PRMT7: variants seen among roughly 807,000 people sequenced by gnomAD.
PRMT7 encodes the protein protein arginine methyltransferase 7.
In PRMT7, 75 loss-of-function variants were observed where a neutral mutation model predicts 85.4. That is an observed-to-expected ratio of 0.88 (90% CI 0.73 to 1.06). The LOEUF is 1.06. PRMT7 is among the 50% of genes least tolerant of loss of function. The pLI, the probability that PRMT7 is intolerant of heterozygous loss-of-function variation, is 0.00. For missense variants in PRMT7, 868 were observed against 915.2 expected, an observed-to-expected ratio of 0.95 and a Z score of 0.67; for synonymous variants, 397 against 359.5, an observed-to-expected ratio of 1.10 and a Z score of -1.18.
Position 68,356,811 on chromosome 16 carries a change from A to C in PRMT7, c.1908+14A>C. The C allele has an allele frequency of 1.9e-6, 3 of 1,596,140 alleles. No individual in the cohort carries two copies. Among genetic ancestry groups the C allele is most frequent in the Non-Finnish European group, 2.6e-6 (3 of 1,172,246 alleles). On this transcript the variant is annotated intron_variant, in intron 18 of 18. Coordinates refer to ENST00000441236, the MANE Select transcript of PRMT7 (RefSeq NM_019023.5). ...GCAGACCCCGAGGTAGTGCCTGCGC[A>C]CCGGGCCCAGTGTGCGTGCAGACCC...
chr16:68,312,221 A>AT lies in PRMT7; in HGVS notation c.-84+46dup, dbSNP rs1476609721. The AT allele has an allele frequency of 7.2e-4, 30 of 41,700 alleles. No individual in the cohort carries two copies. In the Admixed American group the frequency reaches 9.2e-3, roughly 13 times the overall value. The allele number at this position is 41,700 out of a possible 1,614,324, so 2.6% of individuals were successfully genotyped here. ...TATGTATATTTATATATATATATAT[A>AT]TATATATATTTTTTTTTTTAAGACA... On this transcript the variant is annotated intron_variant, in intron 2 of 18. Transcript: ENST00000441236.
rs1390386790 is a variant in PRMT7, at chr16:68,355,851, CCT to C, written c.1780_1781del (p.Leu594ValfsTer105). 3.7e-6 allele frequency: 6 copies of C among 1,607,448 alleles called. No individual in the cohort carries two copies. The South Asian group carries it at 4.4e-5, about 12-fold the overall frequency. On this transcript the variant is annotated frameshift_variant, in exon 17 of 19. Coordinates refer to ENST00000441236, the MANE Select transcript of PRMT7 (RefSeq NM_019023.5). LOFTEE classifies it high-confidence loss of function. ...DFQQPVPLQP[L>X]CAEGTVELRR... ...TCCAGCAGCCGGTGCCCCTGCAGCC[CCT>C]GTGTGCCGAGGGCACCGTGGAGCTC...
At position 68,318,629 on chromosome 16, in the gene PRMT7, G is replaced by A. The variant is rs2082148779; in HGVS notation, c.95+2555G>A. On this transcript the variant is annotated intron_variant, in intron 3 of 18. Coordinates refer to ENST00000441236, the MANE Select transcript of PRMT7 (RefSeq NM_019023.5). ...GCTCACTGCAATCTCTGCCTCCCAG[G>A]TTCAAGGGATTCTCTTGCCTCAGCC... The A allele has an allele frequency of 2.0e-5, 3 of 152,274 alleles. No homozygotes were observed. The South Asian group carries it at 6.2e-4, about 32-fold the overall frequency. 9.4% of individuals were successfully genotyped at this position (152,274 alleles called of 1,614,324 possible). A position where few individuals can be genotyped will look rare whatever the true frequency, so the allele number is the denominator to read the frequency against.
intron 10 of PRMT7, 48 bp from the exon 11 acceptor site, chr16:68,346,097 T>C: frequency 6.2e-7 from 1 of 1,608,078 alleles, no homozygotes; most frequent in Non-Finnish European, 8.5e-7. Context: ...TCTGGAGACC[T>C]GTGGAGGCGC....
chr16:68,329,431 A>T (rs1310921147), intron 6 of PRMT7: 2 of 293,456 alleles, frequency 6.8e-6, no homozygotes, highest in Non-Finnish European at 1.3e-5. Context: ...GCTTTAAGCA[A>T]ATTGGAATTC....
At chr16:68,338,887 G>T (rs1195779314) in intron 7 of PRMT7, among the ~76,000 whole-genome samples, 1 of 152,128 alleles carries the variant, frequency 6.6e-6, no homozygotes, top group African/African-American at 2.4e-5. Flanking sequence ...CAGCCCTAGG[G>T]GCTGAGTGTG....
At position 68,347,676 on chromosome 16, in the gene PRMT7, A is replaced by G; in HGVS notation, c.1321A>G (p.Lys441Glu). 1 of 1,613,846 alleles carries G rather than the reference A, an allele frequency of 6.2e-7. No individual in the cohort carries two copies. Among genetic ancestry groups the G allele is most frequent in the Non-Finnish European group, 8.5e-7 (1 of 1,179,794 alleles). The change falls in exon 13 of 19, where the codon AAA becomes GAA. Residue 441 changes from lysine (K) to glutamate (E), a missense_variant and splice_region_variant. Coordinates refer to ENST00000441236, the MANE Select transcript of PRMT7 (RefSeq NM_019023.5). The stretch of plus-strand genomic sequence containing the variant: ...AGCAGCTTCTCACAAACTGTTGAGA[A>G]AAGTAAGTGAGAATTGTTGTTGCTG... ...SSAASHKLLR[K>E]IFKANHLEDK... is the part of the protein sequence containing the mutation.
rs1597560112 is a variant in PRMT7, at chr16:68,358,411, A to G, written c.*1187A>G. The G allele has an allele frequency of 6.5e-6, 1 of 152,716 alleles. No individual in the cohort carries two copies. Among genetic ancestry groups the G allele is most frequent in the Non-Finnish European group, 1.5e-5 (1 of 68,044 alleles). The allele number at this position is 152,716 out of a possible 1,614,324, so 9.5% of individuals were successfully genotyped here. ...GAAAAAGAACACCTCTCTTCGCAAAATATTTTATCAGGTGTAAAGACTTGT... is the reference window on the plus strand; with the variant it reads ...GAAAAAGAACACCTCTCTTCGCAAAGTATTTTATCAGGTGTAAAGACTTGT... On this transcript the variant is annotated 3_prime_UTR_variant, in exon 19 of 19. Coordinates refer to ENST00000441236, the MANE Select transcript of PRMT7 (RefSeq NM_019023.5).
chr16:68,312,207 A>T (rs1056166153), intron 2 of PRMT7, 31 bp downstream of exon 2: 34 of 116,918 alleles, frequency 2.9e-4, no homozygotes, highest in African/African-American at 9.7e-4. Context: ...ATGTATATTT[A>T]TATATATATA....
chr16:68,320,336 G>A (rs1032484642), intron 3 of PRMT7, among the ~76,000 whole-genome samples: 3 of 152,166 alleles, frequency 2.0e-5, no homozygotes, highest in African/African-American at 7.2e-5. Context: ...AGTGGGAATT[G>A]GGGGGCTGAC....
chr16:68,329,189 C>A lies in PRMT7; in HGVS notation c.391+15C>A. The A allele has an allele frequency of 1.3e-6, 2 of 1,532,094 alleles. No individual in the cohort carries two copies. The highest frequency in any genetic ancestry group is 1.8e-6 in the Non-Finnish European group (2 of 1,105,956). The allele number at this position is 1,532,094 out of a possible 1,614,324, so 94.9% of individuals were successfully genotyped here. A position where few individuals can be genotyped will look rare whatever the true frequency, so the allele number is the denominator to read the frequency against. On this transcript the variant is annotated intron_variant, in intron 6 of 18. Coordinates refer to ENST00000441236, the MANE Select transcript of PRMT7 (RefSeq NM_019023.5). ...TGTAGGTCCAGGTGAGATTTACACACCCTGTGTTGAAAGCTTTGCTTGCTC... is the reference window on the plus strand; with the variant it reads ...TGTAGGTCCAGGTGAGATTTACACAACCTGTGTTGAAAGCTTTGCTTGCTC...
chr16:68,332,830 A>C (rs903280192), intron 6 of PRMT7, among the ~76,000 whole-genome samples: 2 of 152,170 alleles, frequency 1.3e-5, no homozygotes, highest in African/African-American at 2.4e-5. Flanking sequence ...GAGCAGGGTA[A>C]GGGTTACTTG....
In PRMT7 at chr16:68,339,520, C is replaced by T. The variant is rs747664723; in HGVS notation, c.703C>T (p.Pro235Ser). The change falls in exon 8 of 19, where the codon CCA becomes TCA. Residue 235 changes from proline (P) to serine (S), a missense_variant. Coordinates refer to ENST00000441236, the MANE Select transcript of PRMT7 (RefSeq NM_019023.5). ...VCDIQLNQVS[P>S]ADFTVLSDVL... ...TGACATTCAGCTGAACCAGGTGTCACCAGCCGACTTTACAGTCCTCAGCGA... is the reference window on the plus strand; with the variant it reads ...TGACATTCAGCTGAACCAGGTGTCATCAGCCGACTTTACAGTCCTCAGCGA... 1.2e-6 allele frequency: 2 copies of T among 1,614,174 alleles called. No individual in the cohort carries two copies. Among genetic ancestry groups the T allele is most frequent in the East Asian group, 4.5e-5 (2 of 44,888 alleles).
At chr16:68,324,969 C>A in intron 5 of PRMT7, 137 bp downstream of exon 5, 3 of 1,136,074 alleles carry the variant, frequency 2.6e-6, no homozygotes, top group African/African-American at 1.6e-5. Context: ...AGGCTCTGAG[C>A]GTATAGAGAT....
chr16:68,347,333 T>G, intron 12 of PRMT7, 39 bp downstream of exon 12: 1 of 1,504,806 alleles, frequency 6.6e-7, no homozygotes, highest in Non-Finnish European at 8.9e-7. Flanking sequence ...TGATGTGGGC[T>G]TGTGAGTTAG....
intron 14 of PRMT7, 45 bp downstream of exon 14, chr16:68,348,476 G>A (rs893909268): frequency 6.7e-7 from 1 of 1,495,484 alleles, no homozygotes; most frequent in Non-Finnish European, 9.3e-7. Flanking sequence ...GTGTTAGGGT[G>A]GTCAGCACGG....
At chr16:68,339,730 TA>T in intron 8 of PRMT7, 57 bp from the exon 9 acceptor site, 2 of 1,588,820 alleles carry the variant, frequency 1.3e-6, no homozygotes, top group Admixed American at 3.4e-5. Context: ...TGTAAAAGCT[TA>T]AAAAATGGAG....
rs1403767502 is a variant in PRMT7, at chr16:68,347,224, A to G, written c.1205A>G (p.Asp402Gly). Residue 402 changes from aspartate (D) to glycine (G), a missense_variant, in exon 12 of 19, where the codon GAC becomes GGC. Asp to Gly is a moderately conservative substitution (Grantham distance 94). Transcript: ENST00000441236. ...TGTTCCCCGCAGGTGCTGAAGCCAG[A>G]CAGCGTGTGCCTGTGTGTCAGCGAT... ...VQALRTVLKP[D>G]SVCLCVSDGS... The G allele has an allele frequency of 5.2e-6, 8 of 1,552,872 alleles. No homozygotes were observed. The highest frequency in any genetic ancestry group is 7.0e-6 in the Non-Finnish European group (8 of 1,147,386).
At chr16:68,345,858 C>T in intron 10 of PRMT7, 56 bp downstream of exon 10, 2 of 1,604,372 alleles carry the variant, frequency 1.2e-6, no homozygotes, top group East Asian at 2.2e-5. Flanking sequence ...TATGTAAATT[C>T]CCCATTTACA....
Sources: allele counts gnomAD v4.1 joint callset (sites outside exome capture counted in the v4.1 genomes callset), GRCh38; gene constraint gnomAD v4.1.1; transcripts MANE v1.5; gene names NCBI Gene and HGNC (gene_info 2026-07-23, HGNC 2026-07-21).